MAPKBP1: variants seen among roughly 807,000 people sequenced by gnomAD.
The protein encoded by MAPKBP1 is mitogen-activated protein kinase binding protein 1, also known as mitogen-activated protein kinase-binding protein 1.
Under a neutral mutation model 170.5 loss-of-function variants are expected in MAPKBP1, and 71 were observed. The ratio of observed to expected loss-of-function variants is 0.42; its 90% CI spans 0.34 to 0.51. The LOEUF is 0.51. Ranked by LOEUF, MAPKBP1 falls within the 20% of genes least tolerant of loss-of-function variation. The pLI is 0.06. For missense variants in MAPKBP1, 1,598 were observed against 1,933.0 expected (o/e 0.83, Z 3.25); for synonymous variants, 719 against 757.9 (o/e 0.95, Z 0.84).
At chr15:41,784,698 C>T (rs2064251292) in intron 2 of MAPKBP1, among the ~76,000 whole-genome samples, 2 of 146,914 alleles carry the variant, frequency 1.4e-5, no homozygotes, top group Non-Finnish European at 3.0e-5. Context: ...AGGAGAATTG[C>T]TTGAATCCAC....
At chr15:41,793,874 A>G (rs920996482) in intron 2 of MAPKBP1, among the ~76,000 whole-genome samples, 1 of 152,200 alleles carries the variant, frequency 6.6e-6, no homozygotes, top group African/African-American at 2.4e-5. Context: ...TGGTTCTGTG[A>G]CATGTCAAAG....
At chr15:41,822,467 T>C in intron 26 of MAPKBP1, 45 bp downstream of exon 26, 1 of 1,606,284 alleles carries the variant, frequency 6.2e-7, no homozygotes, top group Non-Finnish European at 8.5e-7. Context: ...TTTGCCCTTC[T>C]CCCCTCCTTG....
chr15:41,815,889 T>G, intron 12 of MAPKBP1, 90 bp downstream of exon 12: 4 of 1,352,276 alleles, frequency 3.0e-6, no homozygotes, highest in Non-Finnish European at 4.1e-6. Context: ...CTCAAAAAGA[T>G]TGGGCAACAA....
chr15:41,786,777 A>AATATATATATATATATATATATATATAT (rs1180590172), intron 2 of MAPKBP1, among the ~76,000 whole-genome samples: 2 of 32,426 alleles, frequency 6.2e-5, no homozygotes, highest in African/African-American at 2.6e-4. Flanking sequence ...AAAAAAAAAA[A>AATATATATATATATATATATATATATAT]ATATATATAT....
In MAPKBP1 at chr15:41,817,452, G is replaced by A. The variant is rs139190782; in HGVS notation, c.1776G>A (p.Ala592=). The A allele has an allele frequency of 1.6e-5, 25 of 1,609,490 alleles. No homozygotes were observed. The highest frequency in any genetic ancestry group is 4.5e-5 in the East Asian group (2 of 44,566). ...GADKSIYFRT[A]QKSGDGVQFT... ...ACAAGAGCATCTACTTCCGCACTGC[G>A]CAGAAGGTGAGGGCGCTGGGCTTTC... is the stretch of plus-strand genomic sequence containing the variant. Residue 592 remains alanine, a synonymous_variant, in exon 15 of 31, where the codon GCG becomes GCA. Coordinates refer to ENST00000457542, the MANE Select transcript of MAPKBP1 (RefSeq NM_014994.3). The surrounding 1 kb of genome is among the most constrained non-coding windows in gnomAD (Gnocchi z 4.2).
intron 5 of MAPKBP1, 46 bp downstream of exon 5, chr15:41,811,281 C>T: frequency 1.2e-6 from 2 of 1,607,596 alleles, no homozygotes; most frequent in Non-Finnish European, 1.7e-6. Context: ...GGGCAGGTGT[C>T]CTGGCCTCCG....
chr15:41,814,469 C>A, intron 9 of MAPKBP1, 81 bp from the exon 10 acceptor site: 1 of 1,415,544 alleles, frequency 7.1e-7, no homozygotes, highest in Non-Finnish European at 9.7e-7. Flanking sequence ...GGGCTCCTCA[C>A]ACACTGCTCC....
chr15:41,794,148 C>T (rs1433081409), intron 2 of MAPKBP1, among the ~76,000 whole-genome samples: 1 of 152,122 alleles, frequency 6.6e-6, no homozygotes, highest in Non-Finnish European at 1.5e-5. Context: ...AGCAGAATCG[C>T]TTGAACCCTG....
intron 30 of MAPKBP1, 140 bp downstream of exon 30, chr15:41,824,709 TGAG>T: frequency 1.2e-6 from 1 of 862,728 alleles, no homozygotes; most frequent in South Asian, 1.8e-5. Context: ...GCAGCATAGG[TGAG>T]GGGGTTAGAG....
rs2064944797 is a variant in MAPKBP1 at position 41,819,241 on chromosome 15, C to T, written c.2292-5C>T. 6.2e-7 allele frequency: 1 copy of T among 1,613,266 alleles called. No homozygotes were observed. The highest frequency in any genetic ancestry group is 1.3e-5 in the African/African-American group (1 of 74,878). Reference sequence around the variant, plus strand: ...TCCCCATGCCCTTCCTTGTCTCGGACTCAGGCACCAGGCCCCATCAATGCT... The same window carrying T: ...TCCCCATGCCCTTCCTTGTCTCGGATTCAGGCACCAGGCCCCATCAATGCT... On this transcript the variant is annotated splice_region_variant and splice_polypyrimidine_tract_variant and intron_variant, in intron 20 of 30. Coordinates refer to ENST00000457542, the MANE Select transcript of MAPKBP1 (RefSeq NM_014994.3).
intron 29 of MAPKBP1, 127 bp downstream of exon 29, chr15:41,824,188 G>A: frequency 7.6e-7 from 1 of 1,323,452 alleles, no homozygotes; most frequent in Non-Finnish European, 1.0e-6. Flanking sequence ...GTCTGCTCCT[G>A]TCGCAGGTCC....
chr15:41,822,000 T>C lies in MAPKBP1; in HGVS notation c.2921T>C (p.Leu974Pro), dbSNP rs561350400. The change falls in exon 25 of 31, where the codon CTG becomes CCG. Residue 974 changes from leucine to proline, a missense_variant. By Grantham distance (98) the Leu-to-Pro change is moderately conservative (BLOSUM62 -3). This residue lies in a region of MAPKBP1 where 942 missense variants were observed against 953.2 expected (regional missense o/e 0.99). Transcript: ENST00000457542. ...GTGCAGGCTCCAGCCCGGGGAACTC[T>C]GGGAAGAGTGTACCCAGGCAGCAGG... ...FQVQAPARGT[L>P]GRVYPGSRSS... 1.1e-5 allele frequency: 17 copies of C among 1,610,572 alleles called. No individual in the cohort carries two copies. In the East Asian group the frequency reaches 2.5e-4, roughly 23 times the overall value.
rs774354616 is a variant in MAPKBP1 at position 41,818,260 on chromosome 15, G to T, written c.2047G>T (p.Asp683Tyr). 7 of 1,613,988 alleles carry T rather than the reference G, an allele frequency of 4.3e-6. No individual in the cohort carries two copies. Among genetic ancestry groups the T allele is most frequent in the Non-Finnish European group, 5.1e-6 (6 of 1,179,978 alleles). ...SCSDKNLSIF[D>Y]FSSGECVATM... ...TTCTGACAAGAATCTCTCCATTTTT[G>T]ACTTCTCCTCAGGCGAGTGCGTGGC... The change falls in exon 18 of 31, where the codon GAC becomes TAC. Residue 683 changes from aspartate (D) to tyrosine (Y), a missense_variant. Around this residue, in one of 6 missense-constraint regions of MAPKBP1, gnomAD observed 63 missense variants for 115.2 expected, o/e 0.55. Coordinates refer to ENST00000457542, the MANE Select transcript of MAPKBP1 (RefSeq NM_014994.3). This position sits in a 1 kb window ranked among gnomAD's most constrained non-coding sequence, Gnocchi z 5.2.
intron 5 of MAPKBP1, chr15:41,811,525 C>T (rs1366417941): frequency 3.0e-6 from 2 of 663,600 alleles, no homozygotes; most frequent in Non-Finnish European, 5.5e-6. Context: ...GAGTGCTGAT[C>T]CTGCTGGTGA....
At chr15:41,813,945 C>T (rs1377067564) in intron 9 of MAPKBP1, among the ~76,000 whole-genome samples, 164 bp downstream of exon 9, 1 of 152,128 alleles carries the variant, frequency 6.6e-6, no homozygotes, top group East Asian at 1.9e-4. Flanking sequence ...TTGTTGCAAC[C>T]AAGGAGACCC....
rs1000365200 is a variant in MAPKBP1, at chr15:41,818,808, G to T, written c.2157-15G>T. On this transcript the variant is annotated splice_polypyrimidine_tract_variant and intron_variant, in intron 19 of 30. Transcript: ENST00000457542. This position sits in a 1 kb window ranked among gnomAD's most constrained non-coding sequence, Gnocchi z 5.2. ...ACCTGCCCCTCCTTCAGCCAACTGT[G>T]TGGCTTTACCCCAGCTGCATATTTG... is the stretch of plus-strand genomic sequence containing the variant. 8.7e-6 allele frequency: 14 copies of T among 1,612,608 alleles called. No homozygotes were observed. The highest frequency in any genetic ancestry group is 2.2e-5 in the East Asian group (1 of 44,814).
chr15:41,784,654 C>A (rs1236056693), intron 2 of MAPKBP1, among the ~76,000 whole-genome samples: 1 of 151,458 alleles, frequency 6.6e-6, no homozygotes, highest in Non-Finnish European at 1.5e-5. Flanking sequence ...TGGTGGCGCA[C>A]ACCTGTAGTC....
rs192645487 is a variant in MAPKBP1, at chr15:41,781,384, G to A, written c.114+5995G>A. Among the ~76,000 whole-genome samples, 485 of 137,078 alleles carry A rather than the reference G, an allele frequency of 3.5e-3. 3 individuals carry two copies. The highest frequency in any genetic ancestry group is 7.4e-3 in the Admixed American group (91 of 12,232). 89.9% of individuals were successfully genotyped at this position (137,078 alleles called of 152,430 possible). A position where few individuals can be genotyped will look rare whatever the true frequency, so the allele number is the denominator to read the frequency against. On this transcript the variant is annotated intron_variant, in intron 2 of 30. Coordinates refer to ENST00000457542, the MANE Select transcript of MAPKBP1 (RefSeq NM_014994.3). Reference sequence around the variant, plus strand: ...TTGCTTCCCTATTTGGTAAAACAATGCTGTGGGTTTTTTTGTTTTTTTTTT... The same window carrying A: ...TTGCTTCCCTATTTGGTAAAACAATACTGTGGGTTTTTTTGTTTTTTTTTT...
In MAPKBP1 at chr15:41,774,514, C is replaced by T; in HGVS notation, c.-206C>T. The T allele has an allele frequency of 2.5e-6, 1 of 398,520 alleles. No homozygotes were observed. Among genetic ancestry groups the T allele is most frequent in the Non-Finnish European group, 4.4e-6 (1 of 225,964 alleles). The allele number at this position is 398,520 out of a possible 1,614,324, so 24.7% of individuals were successfully genotyped here. On this transcript the variant is annotated 5_prime_UTR_variant, in exon 1 of 31. Transcript: ENST00000457542. ...GATCGTGCCACCATAGCTCCTGCTG[C>T]TGCCTCTACCGCTGCGGCTACCGCG...
Sources: allele counts gnomAD v4.1 joint callset (sites outside exome capture counted in the v4.1 genomes callset), GRCh38; gene constraint gnomAD v4.1.1; regional missense constraint gnomAD v4.1.1; non-coding constraint Gnocchi (gnomAD v3.1); transcripts MANE v1.5; gene names NCBI Gene and HGNC (gene_info 2026-07-23, HGNC 2026-07-21).